The following STXBP4 variants were observed in gnomAD, a reference collection of about 807,000 sequenced individuals.
STXBP4 encodes syntaxin-binding protein 4.
Under a neutral mutation model 76.1 loss-of-function variants are expected in STXBP4, and 55 were observed. That is an observed-to-expected ratio of 0.72 (90% CI 0.58 to 0.91). The LOEUF (loss-of-function observed/expected upper bound fraction) is 0.91, where lower values mean the gene tolerates loss of function less well. STXBP4 is among the 40% of genes least tolerant of loss of function. STXBP4 has a pLI of 0.00. For synonymous variants in STXBP4, 201 were observed against 220.2 expected, an observed-to-expected ratio of 0.91 and a Z score of 0.77; for missense variants, 618 against 636.9, an observed-to-expected ratio of 0.97 and a Z score of 0.32.
chr17:55,072,377 A>T (rs567202975), intron 12 of STXBP4, among the ~76,000 whole-genome samples: 111 of 152,288 alleles, frequency 7.3e-4, no homozygotes, highest in Middle Eastern at 3.4e-3. Flanking sequence ...GTACTTTGCT[A>T]CTAAATGCTA....
intron 12 of STXBP4, among the ~76,000 whole-genome samples, chr17:55,050,013 CGTT>C (rs1224816292): frequency 6.6e-6 from 1 of 151,700 alleles, no homozygotes; most frequent in Non-Finnish European, 1.5e-5. Flanking sequence ...GCAAGTATAG[CGTT>C]GATGTATAAA....
At chr17:55,089,420 G>A (rs924159382) in intron 16 of STXBP4, among the ~76,000 whole-genome samples, 4 of 152,140 alleles carry the variant, frequency 2.6e-5, no homozygotes, top group African/African-American at 9.7e-5. Context: ...GAATGTAATT[G>A]TCACCGGAAA....
chr17:55,202,095 GAC>G, the STXBP4 span, among the ~76,000 whole-genome samples: 4 of 149,194 alleles, frequency 2.7e-5, no homozygotes, highest in African/African-American at 4.9e-5. Context: ...GTAGATATGG[GAC>G]ACACACACAC....
At position 55,043,505 on chromosome 17, in the gene STXBP4, A is replaced by T. The variant is rs1003966026; in HGVS notation, c.945+180A>T. The T allele has an allele frequency of 5.2e-5, 52 of 1,008,252 alleles. No individual in the cohort carries two copies. The African/African-American group carries it at 6.9e-4, about 13-fold the overall frequency. The allele number at this position is 1,008,252 out of a possible 1,614,324, so 62.5% of individuals were successfully genotyped here. A position where few individuals can be genotyped will look rare whatever the true frequency, so the allele number is the denominator to read the frequency against. On this transcript the variant is annotated intron_variant, in intron 11 of 17. Transcript: ENST00000376352. ...CCTTTAGAGAATTAATTTTTGGTCT[A>T]CATATTTATATTTCACAATATCTGT... is the stretch of plus-strand genomic sequence containing the variant.
At chr17:54,991,057 G>A (rs1190829433) in intron 4 of STXBP4, 100 bp downstream of exon 4, 1 of 1,268,654 alleles carries the variant, frequency 7.9e-7, no homozygotes, top group Non-Finnish European at 1.0e-6. Flanking sequence ...TATCCACTGT[G>A]ACCATACCTC....
At chr17:55,150,162 T>C (rs1442384438) in intron 17 of STXBP4, among the ~76,000 whole-genome samples, 1 of 152,218 alleles carries the variant, frequency 6.6e-6, no homozygotes, top group East Asian at 1.9e-4. Context: ...CTTCCAAATT[T>C]GGTTGCTGTA....
At chr17:55,073,165 T>G in intron 13 of STXBP4, 89 bp downstream of exon 13, 1 of 1,200,170 alleles carries the variant, frequency 8.3e-7, no homozygotes, top group South Asian at 1.3e-5. Context: ...TCTGCACTTC[T>G]AAACTAGGTC....
At chr17:55,105,956 G>A (rs184269909) in intron 16 of STXBP4, among the ~76,000 whole-genome samples, 41 of 152,292 alleles carry the variant, frequency 2.7e-4, no homozygotes, top group Non-Finnish European at 3.4e-4. Flanking sequence ...GGAGAGTTCT[G>A]TAGATGTCTG....
At chr17:55,024,348 A>G (rs1003071583) in intron 8 of STXBP4, among the ~76,000 whole-genome samples, 1 of 152,254 alleles carries the variant, frequency 6.6e-6, no homozygotes, top group Admixed American at 6.5e-5. Context: ...CTTTTCAGCT[A>G]TATCAGGTTC....
chr17:55,143,238 C>T (rs1567780542), intron 17 of STXBP4, among the ~76,000 whole-genome samples: 1 of 152,088 alleles, frequency 6.6e-6, no homozygotes, highest in Non-Finnish European at 1.5e-5. Flanking sequence ...CTGCATCTTG[C>T]CCTTAGCCAT....
At chr17:55,053,832 A>T (rs2078891755) in intron 12 of STXBP4, among the ~76,000 whole-genome samples, 1 of 151,994 alleles carries the variant, frequency 6.6e-6, no homozygotes, top group African/African-American at 2.4e-5. Context: ...GTTAGTTTTT[A>T]TATGTAGGAT....
Position 55,060,101 on chromosome 17 carries a change from T to G in STXBP4, c.1012-12799T>G, listed in dbSNP as rs767672102. Among the ~76,000 whole-genome samples the G allele has an allele frequency of 3.3e-4, 50 of 152,194 alleles. 2 individuals are homozygous for G. Among genetic ancestry groups the G allele is most frequent in the Non-Finnish European group, 2.5e-4 (17 of 67,984 alleles). ...ATCTGTGTATACAAACCCACATGCA[T>G]ACATACTGAAACACCATTCATTTCA... On this transcript the variant is annotated intron_variant, in intron 12 of 17. Transcript: ENST00000376352.
In STXBP4 at chr17:55,167,587, C is replaced by T. The variant is rs1356579392; in HGVS notation, c.*7676C>T. ...ACACATTGTTGATTTGCCCAAGGTT[C>T]TGAAGAAATACCACAGAATGATTTT... On this transcript the variant is annotated 3_prime_UTR_variant, in exon 18 of 18. Coordinates refer to ENST00000376352, the MANE Select transcript of STXBP4 (RefSeq NM_178509.6). 6.6e-6 allele frequency: 1 copy of T among 152,166 alleles called. No individual in the cohort carries two copies. Among genetic ancestry groups the T allele is most frequent in the Non-Finnish European group, 1.5e-5 (1 of 68,026 alleles). The allele number at this position is 152,166 out of a possible 1,614,324, so 9.4% of individuals were successfully genotyped here. A position where few individuals can be genotyped will look rare whatever the true frequency, so the allele number is the denominator to read the frequency against.
At position 55,166,642 on chromosome 17, in the gene STXBP4, C is replaced by G. The variant is rs1335904161; in HGVS notation, c.*6731C>G. On this transcript the variant is annotated 3_prime_UTR_variant, in exon 18 of 18. Coordinates refer to ENST00000376352, the MANE Select transcript of STXBP4 (RefSeq NM_178509.6). ...TTGAAGAGCTCCTTGACACATGCTG[C>G]CTTCCCCATGCCCAGAGCTGGCACT... The G allele has an allele frequency of 6.6e-6, 1 of 152,238 alleles. No individual in the cohort carries two copies. Among genetic ancestry groups the G allele is most frequent in the Non-Finnish European group, 1.5e-5 (1 of 68,074 alleles). 9.4% of individuals were successfully genotyped at this position (152,238 alleles called of 1,614,324 possible).
chr17:55,105,806 A>G (rs1341511192), intron 16 of STXBP4, among the ~76,000 whole-genome samples: 18 of 151,926 alleles, frequency 1.2e-4, no homozygotes, highest in Admixed American at 8.5e-4. Flanking sequence ...ATTTGATTGC[A>G]CTGTGGTCTG....
intron 4 of STXBP4, among the ~76,000 whole-genome samples, chr17:54,996,428 A>C (rs1598174679): frequency 6.6e-6 from 1 of 152,002 alleles, no homozygotes; most frequent in East Asian, 1.9e-4. Flanking sequence ...AGGAGTTTCA[A>C]CTTTTCCTAC....
intron 17 of STXBP4, among the ~76,000 whole-genome samples, chr17:55,147,038 A>G (rs2080165033): frequency 6.6e-6 from 1 of 152,216 alleles, no homozygotes; most frequent in Non-Finnish European, 1.5e-5. Flanking sequence ...ATCATTGGGA[A>G]CCATCTTAGA....
At chr17:55,099,767 C>A (rs887409274) in intron 16 of STXBP4, among the ~76,000 whole-genome samples, 1 of 152,176 alleles carries the variant, frequency 6.6e-6, no homozygotes, top group Non-Finnish European at 1.5e-5. Context: ...ACAAAGCAAG[C>A]AGCTGAAGCT....
intron 16 of STXBP4, among the ~76,000 whole-genome samples, chr17:55,087,587 C>A (rs1329248513): frequency 2.6e-5 from 4 of 152,072 alleles, no homozygotes; most frequent in African/African-American, 9.7e-5. Context: ...GTTGTCTATT[C>A]TGTTTCATTG....
Sources: allele counts gnomAD v4.1 joint callset (sites outside exome capture counted in the v4.1 genomes callset), GRCh38; gene constraint gnomAD v4.1.1; transcripts MANE v1.5; gene names NCBI Gene and HGNC (gene_info 2026-07-23, HGNC 2026-07-21).